TSHZ3: variants seen among roughly 807,000 people sequenced by gnomAD.
The protein encoded by TSHZ3 is teashirt homolog 3.
TSHZ3 carries 10 observed loss-of-function variants against 64.5 expected under a neutral mutation model. The ratio of observed to expected loss-of-function variants is 0.16; its 90% CI spans 0.10 to 0.26. The LOEUF (loss-of-function observed/expected upper bound fraction) is 0.26, where lower values mean the gene tolerates loss of function less well. Ranked by LOEUF, TSHZ3 falls within the 10% of genes least tolerant of loss-of-function variation. The pLI, the probability that TSHZ3 is intolerant of heterozygous loss-of-function variation, is 1.00. For missense variants in TSHZ3, 1,242 were observed against 1,421.7 expected, an observed-to-expected ratio of 0.87 and a Z score of 2.03; for synonymous variants, 608 against 593.1, an observed-to-expected ratio of 1.03 and a Z score of -0.36.
At chr19:31,325,434 C>A (rs942233558) in intron 1 of TSHZ3, among the ~76,000 whole-genome samples, 3 of 152,174 alleles carry the variant, frequency 2.0e-5, no homozygotes, top group Admixed American at 2.0e-4. Context: ...GATTCATATG[C>A]TTTCATATCC....
chr19:31,253,932 T>G (rs1975875012), intron 1 of TSHZ3, among the ~76,000 whole-genome samples: 1 of 152,120 alleles, frequency 6.6e-6, no homozygotes. Flanking sequence ...TTAAGGAAAT[T>G]TCACATCCAG....
intron 1 of TSHZ3, among the ~76,000 whole-genome samples, chr19:31,265,949 G>A (rs1429352332): frequency 6.6e-6 from 1 of 152,158 alleles, no homozygotes; most frequent in African/African-American, 2.4e-5. Flanking sequence ...AGTCACATGA[G>A]CCCAAATCCC....
At chr19:31,185,141 G>C (rs911465922) in intron 5 of TSHZ3, among the ~76,000 whole-genome samples, 2 of 150,814 alleles carry the variant, frequency 1.3e-5, no homozygotes, top group South Asian at 2.1e-4. Flanking sequence ...AATGCAGAGC[G>C]AGGAAAGCTC....
In TSHZ3 at chr19:31,276,395, C is replaced by A; in HGVS notation, c.*152G>T. ...GCTGATTATGCACCTCTATTAAACACTGTACAGTTATACAAAACAGTCCAG... is the reference window on the plus strand; with the variant it reads ...GCTGATTATGCACCTCTATTAAACAATGTACAGTTATACAAAACAGTCCAG... On this transcript the variant is annotated 3_prime_UTR_variant, in exon 2 of 2. Coordinates refer to ENST00000240587, the MANE Select transcript of TSHZ3 (RefSeq NM_020856.4). 2 of 709,726 alleles carry A rather than the reference C, an allele frequency of 2.8e-6. No homozygotes were observed. The highest frequency in any genetic ancestry group is 4.6e-6 in the Non-Finnish European group (2 of 434,110). The allele number at this position is 709,726 out of a possible 1,614,324, so 44.0% of individuals were successfully genotyped here.
chr19:31,302,035 C>CT (rs1168775368), intron 1 of TSHZ3, among the ~76,000 whole-genome samples: 4 of 152,120 alleles, frequency 2.6e-5, no homozygotes, highest in African/African-American at 7.2e-5. Context: ...CAGTCAGCAC[C>CT]TGAAGACATT....
chr19:31,173,755 A>C (rs2145117996), intron 5 of TSHZ3, among the ~76,000 whole-genome samples: 1 of 152,304 alleles, frequency 6.6e-6, no homozygotes, highest in African/African-American at 2.4e-5. Flanking sequence ...TTCCAGAGAA[A>C]CTGAACCAAC....
At chr19:31,243,254 C>A (rs562490494) in intron 1 of TSHZ3, among the ~76,000 whole-genome samples, 3 of 152,108 alleles carry the variant, frequency 2.0e-5, no homozygotes, top group Admixed American at 1.3e-4. Flanking sequence ...TTCTCCACTG[C>A]ACTTAGAAGA....
At chr19:31,348,474 A>AG (rs1476865329) in intron 1 of TSHZ3, among the ~76,000 whole-genome samples, 1 of 151,836 alleles carries the variant, frequency 6.6e-6, no homozygotes, top group South Asian at 2.1e-4. Context: ...AGAAGAAAAA[A>AG]AAAAAAAAAG....
downstream of TSHZ3, among the ~76,000 whole-genome samples, chr19:31,271,873 T>C (rs1976144958): frequency 6.6e-6 from 1 of 152,222 alleles, no homozygotes; most frequent in Non-Finnish European, 1.5e-5. Context: ...ATAATAGCTA[T>C]TATTTTAAAG....
At chr19:31,197,852 T>C (rs1975014599) in intron 5 of TSHZ3, among the ~76,000 whole-genome samples, 1 of 152,058 alleles carries the variant, frequency 6.6e-6, no homozygotes, top group Non-Finnish European at 1.5e-5. Flanking sequence ...GCTTTACTGG[T>C]GAATTCTATC....
At chr19:31,157,962 A>G (rs1284283425) in intron 5 of TSHZ3, among the ~76,000 whole-genome samples, 3 of 152,212 alleles carry the variant, frequency 2.0e-5, no homozygotes, top group Non-Finnish European at 4.4e-5. Context: ...TACAATGAAC[A>G]ACTTTGTCAA....
intron 3 of TSHZ3, among the ~76,000 whole-genome samples, chr19:31,235,907 G>T (rs1975608041): frequency 6.6e-6 from 1 of 151,148 alleles, no homozygotes; most frequent in Non-Finnish European, 1.5e-5. Flanking sequence ...GTTGCAAAGG[G>T]GTTTCACCAT....
chr19:31,151,129 T>G (rs906327831), exon 7 of TSHZ3, among the ~76,000 whole-genome samples: 33 of 152,176 alleles, frequency 2.2e-4, no homozygotes, highest in African/African-American at 7.7e-4. Context: ...ACAGGGAAGT[T>G]TTGACGAAGA....
chr19:31,223,368 G>A (rs1285219889), intron 4 of TSHZ3, among the ~76,000 whole-genome samples: 3 of 25,464 alleles, frequency 1.2e-4, no homozygotes, highest in South Asian at 1.4e-3. Context: ...CTTATAACGT[G>A]TGTGTGTGTG....
At chr19:31,245,523 C>T (rs1182730490) in intron 1 of TSHZ3, among the ~76,000 whole-genome samples, 5 of 152,170 alleles carry the variant, frequency 3.3e-5, no homozygotes, top group East Asian at 3.9e-4. Context: ...CAAAATCTCA[C>T]GCAGAAGGTT....
At chr19:31,248,693 A>G (rs1975791567) in intron 1 of TSHZ3, among the ~76,000 whole-genome samples, 1 of 149,590 alleles carries the variant, frequency 6.7e-6, no homozygotes, top group African/African-American at 2.5e-5. Context: ...TGGGAGGCTG[A>G]GGAGGGAGGA....
chr19:31,179,919 T>C (rs925285806), intron 5 of TSHZ3, among the ~76,000 whole-genome samples: 1 of 151,980 alleles, frequency 6.6e-6, no homozygotes, highest in Admixed American at 6.6e-5. Flanking sequence ...TTCTAAGGGC[T>C]CTCAACCTTC....
chr19:31,243,533 G>A (rs1179475421), intron 1 of TSHZ3, among the ~76,000 whole-genome samples: 1 of 152,192 alleles, frequency 6.6e-6, no homozygotes, highest in Non-Finnish European at 1.5e-5. Flanking sequence ...CCGTGTCAGA[G>A]GGAGGTGAGC....
intron 5 of TSHZ3, among the ~76,000 whole-genome samples, chr19:31,165,981 C>T (rs1243446241): frequency 6.6e-6 from 1 of 152,222 alleles, no homozygotes; most frequent in African/African-American, 2.4e-5. Flanking sequence ...AACTCACTAA[C>T]ATCTGTGCAA....
Sources: allele counts gnomAD v4.1 joint callset (sites outside exome capture counted in the v4.1 genomes callset), GRCh38; gene constraint gnomAD v4.1.1; transcripts MANE v1.5; gene names NCBI Gene and HGNC (gene_info 2026-07-23, HGNC 2026-07-21).